The following RFX3 variants were observed in gnomAD, a reference collection of about 807,000 sequenced individuals.
The protein encoded by RFX3 is transcription factor RFX3.
RFX3 carries 14 observed loss-of-function variants against 98.6 expected under a neutral mutation model. The observed-to-expected ratio is 0.14, with a 90% CI of 0.09 to 0.22. The LOEUF (loss-of-function observed/expected upper bound fraction) is 0.22. Among genes scored for constraint, RFX3 ranks in the 10% least tolerant of loss-of-function variants. RFX3 has a pLI of 1.00. For missense variants in RFX3, 639 were observed against 926.9 expected (o/e 0.69, Z 4.03); for synonymous variants, 383 against 328.4 (o/e 1.17, Z -1.80).
At chr9:3,430,805 T>A (rs559355660) in intron 1 of RFX3, among the ~76,000 whole-genome samples, 3 of 151,416 alleles carry the variant, frequency 2.0e-5, no homozygotes, top group East Asian at 1.9e-4. Flanking sequence ...AAAAAAAAAA[T>A]CACATAAAGA....
At chr9:3,333,281 A>G (rs191663043) in intron 3 of RFX3, among the ~76,000 whole-genome samples, 1 of 152,312 alleles carries the variant, frequency 6.6e-6, no homozygotes, top group East Asian at 1.9e-4. Context: ...ATTATAAATT[A>G]TACTTGTAAT....
At chr9:3,340,699 A>G (rs1471007890) in intron 3 of RFX3, among the ~76,000 whole-genome samples, 1 of 152,218 alleles carries the variant, frequency 6.6e-6, no homozygotes, top group Non-Finnish European at 1.5e-5. Context: ...CAAAACCACA[A>G]TGAGATACCA....
At chr9:3,416,597 G>C (rs1843005164) in intron 1 of RFX3, among the ~76,000 whole-genome samples, 1 of 152,142 alleles carries the variant, frequency 6.6e-6, no homozygotes, top group Non-Finnish European at 1.5e-5. Context: ...CTATCCCATT[G>C]TCCCTGGTGC....
chr9:3,362,434 T>C (rs1267649320), intron 2 of RFX3, among the ~76,000 whole-genome samples: 1 of 152,258 alleles, frequency 6.6e-6, no homozygotes, highest in East Asian at 1.9e-4. Context: ...TAGCTTCTTC[T>C]GTTTTTCAGA....
intron 1 of RFX3, among the ~76,000 whole-genome samples, chr9:3,491,614 T>G (rs1343639130): frequency 1.3e-5 from 2 of 152,216 alleles, no homozygotes; most frequent in East Asian, 3.8e-4. Flanking sequence ...ATCTGTGTTC[T>G]TCTTTCCAAA....
intron 4 of RFX3, among the ~76,000 whole-genome samples, chr9:3,312,544 CG>C (rs1563908006): frequency 6.6e-6 from 1 of 150,754 alleles, no homozygotes; most frequent in East Asian, 1.9e-4. Context: ...CTGAGAGATT[CG>C]GGATAAACTG....
chr9:3,290,341 A>T (rs1827182059), intron 6 of RFX3, among the ~76,000 whole-genome samples: 1 of 152,168 alleles, frequency 6.6e-6, no homozygotes. Flanking sequence ...ACAAAACCAA[A>T]CAACCCCAAT....
intron 3 of RFX3, among the ~76,000 whole-genome samples, chr9:3,334,455 T>C (rs553215329): frequency 3.3e-4 from 50 of 152,288 alleles, no homozygotes; most frequent in Admixed American, 1.6e-3. Flanking sequence ...CTTTGTATCA[T>C]TATACTCAGT....
intron 1 of RFX3, among the ~76,000 whole-genome samples, chr9:3,490,814 T>C (rs894945666): frequency 2.0e-5 from 3 of 152,234 alleles, no homozygotes; most frequent in East Asian, 3.9e-4. Context: ...TTTAGTTTTA[T>C]AGAAATTTTT....
At chr9:3,275,635 G>C (rs1229134905) in intron 8 of RFX3, 23 bp from the exon 9 acceptor site, 2 of 1,452,656 alleles carry the variant, frequency 1.4e-6, no homozygotes, top group Non-Finnish European at 1.9e-6. Context: ...CAACAGAACA[G>C]AAAAAAGCTA....
At chr9:3,439,202 A>G (rs1017226680) in intron 1 of RFX3, among the ~76,000 whole-genome samples, 3 of 151,982 alleles carry the variant, frequency 2.0e-5, no homozygotes, top group Non-Finnish European at 4.4e-5. Flanking sequence ...TATACTACTA[A>G]ATATCTATAT....
At position 3,384,847 on chromosome 9, in the gene RFX3, C is replaced by T. The variant is rs191885148; in HGVS notation, c.117+10625G>A. 2.6e-5 allele frequency among the ~76,000 whole-genome samples: 4 copies of T among 152,284 alleles called. No homozygotes were observed. The East Asian group carries it at 5.8e-4, about 22-fold the overall frequency. On this transcript the variant is annotated intron_variant, in intron 2 of 16. Transcript: ENST00000617270. ...AGACTCTGTTTCAACTCCACAAACC[C>T]ACCAGCTCCTCTCTCGTGCCAGGTC... is the stretch of plus-strand genomic sequence containing the variant.
chr9:3,524,866 CA>C (rs1564205436), intron 1 of RFX3, among the ~76,000 whole-genome samples: 4,304 of 139,470 alleles, frequency 0.031, 187 homozygotes, highest in African/African-American at 0.099. Context: ...CACACACACA[CA>C]CACACACACA....
At chr9:3,267,469 C>T (rs1430288624) in intron 11 of RFX3, among the ~76,000 whole-genome samples, 1 of 151,910 alleles carries the variant, frequency 6.6e-6, no homozygotes, top group East Asian at 1.9e-4. Context: ...AATAATTTCA[C>T]TTACTCAAGT....
intron 4 of RFX3, among the ~76,000 whole-genome samples, chr9:3,309,064 CA>C: frequency 1.3e-5 from 2 of 152,108 alleles, no homozygotes. Context: ...ACCATACAAA[CA>C]ATCACCTGGC....
intron 1 of RFX3, among the ~76,000 whole-genome samples, chr9:3,402,773 T>A (rs1443652988): frequency 2.0e-5 from 3 of 151,850 alleles, no homozygotes; most frequent in African/African-American, 7.2e-5. Flanking sequence ...GCAATTAAGA[T>A]TTCTATTAAA....
chr9:3,270,683 C>T (rs579577), intron 10 of RFX3, 158 bp from the exon 11 acceptor site: 720,661 of 729,722 alleles, frequency 0.99, 356,403 homozygotes, highest in East Asian at 1. Flanking sequence ...CCGAGAGAGA[C>T]AGACAGATAT....
intron 4 of RFX3, among the ~76,000 whole-genome samples, chr9:3,305,670 G>C (rs1286410072): frequency 1.3e-5 from 2 of 152,018 alleles, no homozygotes; most frequent in Non-Finnish European, 2.9e-5. Flanking sequence ...ATTAGCCCAT[G>C]ATTTGGGTTT....
chr9:3,429,846 T>G (rs2132510796), intron 1 of RFX3, among the ~76,000 whole-genome samples: 1 of 152,324 alleles, frequency 6.6e-6, no homozygotes, highest in African/African-American at 2.4e-5. Context: ...TCTCCCTATT[T>G]CAAAGCCCTC....
Sources: gnomAD v4.1 joint callset for allele counts (sites outside exome capture counted in the v4.1 genomes callset) on GRCh38, gnomAD v4.1.1 for gene constraint, MANE v1.5 for transcripts, NCBI Gene and HGNC (gene_info 2026-07-23, HGNC 2026-07-21) for gene names.